PTPRD: variants seen among roughly 807,000 people sequenced by gnomAD.
The protein encoded by PTPRD is receptor-type tyrosine-protein phosphatase delta.
In PTPRD, 34 loss-of-function variants were observed where a neutral mutation model predicts 214.5. The observed-to-expected ratio is 0.16, with a 90% CI of 0.12 to 0.21. PTPRD has a LOEUF of 0.21. Ranked by LOEUF, PTPRD falls within the 10% of genes least tolerant of loss-of-function variation. The pLI, the probability that PTPRD is intolerant of heterozygous loss-of-function variation, is 1.00. For synonymous variants in PTPRD, 1,128 were observed against 845.7 expected, an observed-to-expected ratio of 1.33 and a Z score of -5.79; for missense variants, 2,545 against 2,398.7, an observed-to-expected ratio of 1.06 and a Z score of -1.27.
At chr9:8,465,398 A>G in intron 32 of PTPRD, 68 bp downstream of exon 32, 1 of 1,448,728 alleles carries the variant, frequency 6.9e-7, no homozygotes, top group South Asian at 1.2e-5. Context: ...CAAATCCCCA[A>G]ATAACCACAT....
At chr9:8,428,810 A>G (rs1228553363) in intron 35 of PTPRD, among the ~76,000 whole-genome samples, 4 of 152,344 alleles carry the variant, frequency 2.6e-5, no homozygotes, top group East Asian at 3.9e-4. Context: ...TTGCATTATA[A>G]GTGCTCAGAG....
chr9:10,284,995 G>A (rs2095295904), intron 3 of PTPRD, among the ~76,000 whole-genome samples: 1 of 152,238 alleles, frequency 6.6e-6, no homozygotes, highest in Admixed American at 6.5e-5. Context: ...CAAATGGTAT[G>A]AATGTTTAAT....
chr9:9,806,802 G>A (rs2099075889), intron 5 of PTPRD, among the ~76,000 whole-genome samples: 1 of 152,064 alleles, frequency 6.6e-6, no homozygotes, highest in Non-Finnish European at 1.5e-5. Flanking sequence ...AAATGGCGGG[G>A]TTTGACTGGT....
chr9:10,391,178 G>A (rs1158324288), intron 2 of PTPRD, among the ~76,000 whole-genome samples: 1 of 151,692 alleles, frequency 6.6e-6, no homozygotes, highest in East Asian at 2.0e-4. Flanking sequence ...CTCTTTTTAG[G>A]TATCTTAAAA....
chr9:9,161,114 A>C (rs2099887622), intron 10 of PTPRD, among the ~76,000 whole-genome samples: 1 of 152,112 alleles, frequency 6.6e-6, no homozygotes, highest in African/African-American at 2.4e-5. Context: ...CAGGAGGAAT[A>C]TATTAAGCTC....
At chr9:8,709,137 A>G (rs1410485603) in intron 12 of PTPRD, among the ~76,000 whole-genome samples, 1 of 152,134 alleles carries the variant, frequency 6.6e-6, no homozygotes, top group Non-Finnish European at 1.5e-5. Context: ...CAAAGGACGC[A>G]AAATTTTACT....
At chr9:9,773,170 G>T (rs1389219446) in intron 5 of PTPRD, among the ~76,000 whole-genome samples, 1 of 152,070 alleles carries the variant, frequency 6.6e-6, no homozygotes, top group Non-Finnish European at 1.5e-5. Flanking sequence ...ATTAATACAA[G>T]AAAATCAAGA....
intron 3 of PTPRD, among the ~76,000 whole-genome samples, chr9:10,096,633 A>T (rs2098489098): frequency 6.6e-6 from 1 of 151,804 alleles, no homozygotes; most frequent in African/African-American, 2.4e-5. Context: ...TAGATTCTGG[A>T]TATTAGCCCT....
intron 5 of PTPRD, among the ~76,000 whole-genome samples, chr9:9,924,425 C>A (rs2083561362): frequency 6.6e-6 from 1 of 151,916 alleles, no homozygotes; most frequent in African/African-American, 2.4e-5. Context: ...TAATATAATA[C>A]TATTTGATTA....
chr9:10,460,244 G>A (rs544258740), intron 2 of PTPRD, among the ~76,000 whole-genome samples: 3 of 151,950 alleles, frequency 2.0e-5, no homozygotes, highest in Admixed American at 6.6e-5. Flanking sequence ...ACACAAATAA[G>A]TGAAAAGCTA....
intron 8 of PTPRD, among the ~76,000 whole-genome samples, chr9:9,489,127 G>A (rs992356759): frequency 1.3e-5 from 2 of 152,064 alleles, no homozygotes; most frequent in African/African-American, 4.8e-5. Flanking sequence ...ATAAATAATT[G>A]CATATATGAG....
At chr9:8,941,348 T>C (rs557394213) in intron 11 of PTPRD, among the ~76,000 whole-genome samples, 1 of 152,280 alleles carries the variant, frequency 6.6e-6, no homozygotes, top group Admixed American at 6.5e-5. Context: ...TACACACGTA[T>C]GTGAAATACA....
intron 12 of PTPRD, among the ~76,000 whole-genome samples, chr9:8,686,911 C>T (rs1314548157): frequency 3.3e-5 from 5 of 152,130 alleles, no homozygotes; most frequent in Admixed American, 2.6e-4. Flanking sequence ...GTAGATCAAC[C>T]AGACCAAACT....
intron 6 of PTPRD, among the ~76,000 whole-genome samples, chr9:9,738,554 C>T (rs2098342481): frequency 6.9e-6 from 1 of 144,256 alleles, no homozygotes; most frequent in Non-Finnish European, 1.5e-5. Flanking sequence ...AGTGATTCTC[C>T]TGACCCAGCC....
chr9:10,041,340 T>C (rs1390519010), intron 3 of PTPRD, among the ~76,000 whole-genome samples: 2 of 151,938 alleles, frequency 1.3e-5, no homozygotes, highest in African/African-American at 2.4e-5. Context: ...AATAGAAATG[T>C]GAAATTCAGT....
At chr9:9,900,641 G>GAT (rs1555302231) in intron 5 of PTPRD, among the ~76,000 whole-genome samples, 72 of 120,110 alleles carry the variant, frequency 6.0e-4, no homozygotes, top group African/African-American at 2.1e-3. Flanking sequence ...ACATTTTCAG[G>GAT]TTTTTTTTTT....
At chr9:9,589,735 A>C (rs1017539944) in intron 7 of PTPRD, among the ~76,000 whole-genome samples, 1 of 152,044 alleles carries the variant, frequency 6.6e-6, no homozygotes, top group African/African-American at 2.4e-5. Context: ...AAAAAAGTTA[A>C]ATTATTCCAT....
chr9:10,025,092 C>T lies in PTPRD; in HGVS notation c.-472+8626G>A, dbSNP rs536667749. ...TGTGAATAGTGCCGCAATAAACATA[C>T]GTGTGCATGTGTCTTTATAGCAGCA... On this transcript the variant is annotated intron_variant, in intron 4 of 45. Coordinates refer to ENST00000381196, the MANE Select transcript of PTPRD (RefSeq NM_002839.4). 2.4e-3 allele frequency among the ~76,000 whole-genome samples: 369 copies of T among 152,032 alleles called. 2 individuals carry two copies. Among genetic ancestry groups the T allele is most frequent in the African/African-American group, 8.3e-3 (346 of 41,456 alleles).
intron 5 of PTPRD, among the ~76,000 whole-genome samples, chr9:9,918,990 A>G (rs763567459): frequency 6.6e-6 from 1 of 152,114 alleles, no homozygotes; most frequent in Non-Finnish European, 1.5e-5. Flanking sequence ...TTTTATTCTA[A>G]TTTTAATTAA....
Sources: allele counts gnomAD v4.1 joint callset (sites outside exome capture counted in the v4.1 genomes callset), GRCh38; gene constraint gnomAD v4.1.1; transcripts MANE v1.5; gene names NCBI Gene and HGNC (gene_info 2026-07-23, HGNC 2026-07-21).